AFG1L: variants seen among roughly 807,000 people sequenced by gnomAD.
AFG1L encodes AFG1-like ATPase.
In AFG1L, 53 loss-of-function variants were observed where a neutral mutation model predicts 62.2. The ratio of observed to expected loss-of-function variants is 0.85; its 90% CI spans 0.68 to 1.07. AFG1L has a LOEUF of 1.07. Among genes scored for constraint, AFG1L ranks in the 50% least tolerant of loss-of-function variants. The pLI is 0.00. For missense variants in AFG1L, 555 were observed against 590.5 expected (o/e 0.94, Z 0.62); for synonymous variants, 228 against 210.3 (o/e 1.08, Z -0.73).
chr6:108,295,569 C>T (rs1776736207), intron 1 of AFG1L, among the ~76,000 whole-genome samples: 1 of 151,986 alleles, frequency 6.6e-6, no homozygotes, highest in Admixed American at 6.6e-5. Flanking sequence ...TCCAAGCTCT[C>T]GGGGCTGGTG....
At chr6:108,501,039 G>T (rs142449420) in intron 10 of AFG1L, among the ~76,000 whole-genome samples, 1 of 152,112 alleles carries the variant, frequency 6.6e-6, no homozygotes, top group East Asian at 1.9e-4. Context: ...TGTCGCCCAG[G>T]CTGGAGTGCA....
At chr6:108,493,747 T>C (rs1015374531) in intron 10 of AFG1L, among the ~76,000 whole-genome samples, 5 of 152,232 alleles carry the variant, frequency 3.3e-5, no homozygotes, top group African/African-American at 1.2e-4. Flanking sequence ...GCAGTTGTTA[T>C]GTATTGTCTT....
At position 108,522,691 on chromosome 6, in the gene AFG1L, C is replaced by T. The variant is rs1316542281; in HGVS notation, c.*266C>T. The T allele has an allele frequency of 4.4e-5, 10 of 229,284 alleles. No homozygotes were observed. The highest frequency in any genetic ancestry group is 6.9e-5 in the Non-Finnish European group (8 of 116,328). The allele number at this position is 229,284 out of a possible 1,614,324, so 14.2% of individuals were successfully genotyped here. A position where few individuals can be genotyped will look rare whatever the true frequency, so the allele number is the denominator to read the frequency against. ...TCCTGAAGATGAATGTAGGACCAGA[C>T]ATTTTAGCTTCACATTAAACCACCT... On this transcript the variant is annotated 3_prime_UTR_variant, in exon 13 of 13. Coordinates refer to ENST00000368977, the MANE Select transcript of AFG1L (RefSeq NM_145315.5).
In AFG1L at chr6:108,319,651, G is replaced by A. The variant is rs1173816144; in HGVS notation, c.140-4174G>A. On this transcript the variant is annotated intron_variant, in intron 1 of 12. Transcript: ENST00000368977. ...CTTGCTATGTTGCCAAGGCTGGAGT[G>A]CAGTGGCCATTCACAGGTATGATCA... 2.2e-5 allele frequency: 5 copies of A among 225,886 alleles called. No individual in the cohort carries two copies. The East Asian group carries it at 7.1e-4, about 32-fold the overall frequency. 14.0% of individuals were successfully genotyped at this position (225,886 alleles called of 1,614,324 possible). A position where few individuals can be genotyped will look rare whatever the true frequency, so the allele number is the denominator to read the frequency against.
At position 108,484,659 on chromosome 6, in the gene AFG1L, C is replaced by T. The variant is rs543699314; in HGVS notation, c.1062+7367C>T. Among the ~76,000 whole-genome samples, 195 of 152,206 alleles carry T rather than the reference C, an allele frequency of 1.3e-3. 1 individual carries two copies. The highest frequency in any genetic ancestry group is 4.5e-3 in the African/African-American group (188 of 41,502). ...TAGGTGCAAAATTTTACCATACACACCTAGACCTAGCCTATTTCACGAGTC... is the reference window on the plus strand; with the variant it reads ...TAGGTGCAAAATTTTACCATACACATCTAGACCTAGCCTATTTCACGAGTC... On this transcript the variant is annotated intron_variant, in intron 10 of 12. Transcript: ENST00000368977.
At chr6:108,417,235 A>AACACAC (rs147614070) in intron 7 of AFG1L, among the ~76,000 whole-genome samples, 1,407 of 133,312 alleles carry the variant, frequency 0.011, 6 homozygotes, top group South Asian at 0.018. Flanking sequence ...CATTGTCTTA[A>AACACAC]ACACACACAC....
At chr6:108,476,721 G>A (rs1239533027) in intron 8 of AFG1L, 144 bp from the exon 9 acceptor site, 3 of 624,586 alleles carry the variant, frequency 4.8e-6, no homozygotes, top group African/African-American at 3.7e-5. Flanking sequence ...GCTTTTAAGT[G>A]TATTCTAAAT....
Position 108,445,553 on chromosome 6 carries a change from A to G in AFG1L, c.808-1661A>G, listed in dbSNP as rs530811185. Among the ~76,000 whole-genome samples, 6 of 151,656 alleles carry G rather than the reference A, an allele frequency of 4.0e-5. No homozygotes were observed. The South Asian group carries it at 1.0e-3, about 26-fold the overall frequency. On this transcript the variant is annotated intron_variant, in intron 7 of 12. Coordinates refer to ENST00000368977, the MANE Select transcript of AFG1L (RefSeq NM_145315.5). ...GATGTGTGACTCTTCCTTTCACCTG[A>G]ACACTTAGAGGTCATTGTAGGGCTA...
At chr6:108,302,640 G>A (rs1315378275) in intron 1 of AFG1L, among the ~76,000 whole-genome samples, 2 of 152,056 alleles carry the variant, frequency 1.3e-5, no homozygotes, top group African/African-American at 2.4e-5. Context: ...GACAAGATAC[G>A]AGGCCAGTTT....
At chr6:108,484,536 C>T (rs1773447849) in intron 10 of AFG1L, among the ~76,000 whole-genome samples, 1 of 152,172 alleles carries the variant, frequency 6.6e-6, no homozygotes, top group Admixed American at 6.5e-5. Context: ...GTTCAACCAA[C>T]CCTGAATCCT....
chr6:108,371,378 A>C (rs1245675452), intron 6 of AFG1L, among the ~76,000 whole-genome samples: 1 of 151,836 alleles, frequency 6.6e-6, no homozygotes, highest in Non-Finnish European at 1.5e-5. Context: ...GGAGTTTGAG[A>C]CTAGCCTGGG....
chr6:108,333,215 A>C (rs958338929), intron 2 of AFG1L, among the ~76,000 whole-genome samples: 1 of 151,318 alleles, frequency 6.6e-6, no homozygotes, highest in Non-Finnish European at 1.5e-5. Flanking sequence ...TTCGAGACCA[A>C]CCTGGCCAAC....
intron 8 of AFG1L, among the ~76,000 whole-genome samples, chr6:108,467,949 T>C (rs572664313): frequency 8.2e-4 from 125 of 152,380 alleles, no homozygotes; most frequent in African/African-American, 2.8e-3. Flanking sequence ...CTGCAGGTTT[T>C]CTACTGGAGT....
At chr6:108,346,573 G>T (rs1298385991) in intron 2 of AFG1L, among the ~76,000 whole-genome samples, 4 of 152,022 alleles carry the variant, frequency 2.6e-5, no homozygotes, top group South Asian at 2.1e-4. Flanking sequence ...TCCCTATATT[G>T]CCCAGGCTGG....
Position 108,519,719 on chromosome 6 carries a change from C to A in AFG1L, c.1226C>A (p.Ser409Ter). 6.2e-7 allele frequency: 1 copy of A among 1,610,236 alleles called. No individual in the cohort carries two copies. The highest frequency in any genetic ancestry group is 1.1e-5 in the South Asian group (1 of 90,616). Residue 409 changes from serine (S) to a stop codon, truncating the protein, a stop_gained, in exon 12 of 13, where the codon TCG becomes TAG. Coordinates refer to ENST00000368977, the MANE Select transcript of AFG1L (RefSeq NM_145315.5). LOFTEE classifies it high-confidence loss of function. The part of the protein sequence containing the change: ...DLKVRIICSA[S>*]TPISSLFLHQ... Reference sequence around the variant, plus strand: ...CAGGTGCGTATAATTTGCTCTGCGTCGACTCCTATATCAAGCTTATTTTTG... The same window carrying A: ...CAGGTGCGTATAATTTGCTCTGCGTAGACTCCTATATCAAGCTTATTTTTG...
intron 7 of AFG1L, among the ~76,000 whole-genome samples, chr6:108,414,035 A>G (rs1207550109): frequency 6.6e-6 from 1 of 152,198 alleles, no homozygotes; most frequent in Non-Finnish European, 1.5e-5. Flanking sequence ...CAAGACTAAT[A>G]AGGAAGAAAA....
chr6:108,339,458 ATTTTT>A (rs538205129), intron 2 of AFG1L, among the ~76,000 whole-genome samples: 13,973 of 132,342 alleles, frequency 0.11, 1,990 homozygotes, highest in African/African-American at 0.33. Flanking sequence ...AATTCTTTAA[ATTTTT>A]TTTTTTTTTT....
At chr6:108,452,047 A>G (rs565115484) in intron 8 of AFG1L, among the ~76,000 whole-genome samples, 3 of 152,262 alleles carry the variant, frequency 2.0e-5, no homozygotes, top group South Asian at 4.2e-4. Flanking sequence ...CTTGGTGAAT[A>G]GCACTCAACA....
At chr6:108,375,043 C>G (rs556240754) in intron 6 of AFG1L, among the ~76,000 whole-genome samples, 1 of 152,188 alleles carries the variant, frequency 6.6e-6, no homozygotes, top group African/African-American at 2.4e-5. Flanking sequence ...AGATCTTTCT[C>G]CTCCTTGGTT....
Sources: allele counts gnomAD v4.1 joint callset (sites outside exome capture counted in the v4.1 genomes callset), GRCh38; gene constraint gnomAD v4.1.1; transcripts MANE v1.5; gene names NCBI Gene and HGNC (gene_info 2026-07-23, HGNC 2026-07-21).